ERG: variants seen among roughly 807,000 people sequenced by gnomAD.
ERG encodes the protein ETS transcription factor ERG.
ERG carries 9 observed loss-of-function variants against 55.3 expected under a neutral mutation model. That is an observed-to-expected ratio of 0.16 (90% CI 0.10 to 0.28). ERG has a LOEUF of 0.28. Among genes scored for constraint, ERG ranks in the 10% least tolerant of loss-of-function variants. ERG has a pLI of 1.00. For missense variants in ERG, 434 were observed against 631.6 expected (o/e 0.69, Z 3.35); for synonymous variants, 223 against 237.3 (o/e 0.94, Z 0.55).
intron 6 of ERG, 30 bp downstream of exon 6, chr21:38,400,544 T>G: frequency 6.4e-7 from 1 of 1,556,852 alleles, no homozygotes; most frequent in Non-Finnish European, 8.9e-7. Flanking sequence ...TGTCTCTCAA[T>G]GAAGAGATCA....
intron 2 of ERG, among the ~76,000 whole-genome samples, chr21:38,530,853 G>A (rs917753593): frequency 2.6e-5 from 4 of 152,208 alleles, no homozygotes; most frequent in African/African-American, 9.7e-5. Context: ...TTGTAATGAT[G>A]TCTAAAGAGG....
At chr21:38,564,715 C>G (rs773144324) in intron 2 of ERG, among the ~76,000 whole-genome samples, 1 of 152,068 alleles carries the variant, frequency 6.6e-6, no homozygotes, top group Non-Finnish European at 1.5e-5. Context: ...CTCACCGAGA[C>G]AGCAGTTTCT....
At chr21:38,658,572 A>G (rs1242784934) in intron 1 of ERG, among the ~76,000 whole-genome samples, 2 of 152,218 alleles carry the variant, frequency 1.3e-5, no homozygotes, top group Admixed American at 6.5e-5. Context: ...AAAAATAAAA[A>G]CTAATATTAC....
chr21:38,456,594 T>TC (rs1478803338), intron 1 of ERG, among the ~76,000 whole-genome samples: 3 of 21,874 alleles, frequency 1.4e-4, no homozygotes, highest in Non-Finnish European at 3.0e-4. Context: ...TCTATCCCCA[T>TC]CCCCATCATT....
At chr21:38,512,930 A>G (rs2059523979) in intron 2 of ERG, among the ~76,000 whole-genome samples, 1 of 152,140 alleles carries the variant, frequency 6.6e-6, no homozygotes, top group Non-Finnish European at 1.5e-5. Context: ...CAGGAGATTG[A>G]GACCACCCTG....
chr21:38,390,749 G>A (rs1003155507), intron 9 of ERG, among the ~76,000 whole-genome samples: 14 of 152,256 alleles, frequency 9.2e-5, no homozygotes, highest in African/African-American at 1.4e-4. Flanking sequence ...CACCTAATCC[G>A]TGGTACTTTG....
chr21:38,623,326 C>G (rs1021451603), intron 1 of ERG, among the ~76,000 whole-genome samples: 1 of 28,842 alleles, frequency 3.5e-5, no homozygotes, highest in South Asian at 1.1e-3. Flanking sequence ...ACGCACCACA[C>G]ACACACACAC....
intron 2 of ERG, among the ~76,000 whole-genome samples, chr21:38,521,303 A>G (rs1444702686): frequency 6.6e-6 from 1 of 152,176 alleles, no homozygotes; most frequent in African/African-American, 2.4e-5. Flanking sequence ...CTTACTAGAT[A>G]TGTCGATTAT....
chr21:38,385,498 C>T (rs566167889), intron 9 of ERG, among the ~76,000 whole-genome samples: 1 of 152,248 alleles, frequency 6.6e-6, no homozygotes, highest in African/African-American at 2.4e-5. Context: ...TACATATCAC[C>T]CAACTTATAA....
chr21:38,398,481 A>C (rs1483612233), intron 6 of ERG, among the ~76,000 whole-genome samples: 1 of 152,214 alleles, frequency 6.6e-6, no homozygotes, highest in Admixed American at 6.5e-5. Context: ...CTGAGTCGCG[A>C]AAACATACTT....
chr21:38,419,467 T>C (rs1989438650), intron 3 of ERG, among the ~76,000 whole-genome samples: 1 of 152,170 alleles, frequency 6.6e-6, no homozygotes, highest in African/African-American at 2.4e-5. Flanking sequence ...AAATAACACC[T>C]ACCTTTTGCA....
At chr21:38,494,981 T>C (rs2059367870) in intron 1 of ERG, among the ~76,000 whole-genome samples, 1 of 152,246 alleles carries the variant, frequency 6.6e-6, no homozygotes, top group South Asian at 2.1e-4. Flanking sequence ...TGCTCTGAAA[T>C]GACTTATGCA....
At chr21:38,501,407 G>A (rs1051925967), upstream of ERG, among the ~76,000 whole-genome samples, 4 of 152,000 alleles carry the variant, frequency 2.6e-5, no homozygotes, top group Non-Finnish European at 5.9e-5. Context: ...TGCAGAAACC[G>A]TTTCCCAAAT....
chr21:38,544,355 C>G (rs538206085), intron 2 of ERG, among the ~76,000 whole-genome samples: 52 of 152,270 alleles, frequency 3.4e-4, no homozygotes, highest in African/African-American at 1.2e-3. Flanking sequence ...CATCCCGGCT[C>G]CCTGTGAAGA....
chr21:38,501,628 G>A (rs552630004), upstream of ERG, among the ~76,000 whole-genome samples: 3 of 152,130 alleles, frequency 2.0e-5, no homozygotes, highest in East Asian at 1.9e-4. Context: ...TCTGGCACAC[G>A]GCCCCTACCT....
intron 3 of ERG, among the ~76,000 whole-genome samples, chr21:38,416,035 T>A (rs1271571316): frequency 6.6e-6 from 1 of 152,212 alleles, no homozygotes; most frequent in African/African-American, 2.4e-5. Context: ...TATGTTCTAT[T>A]ACTTGTTATT....
intron 2 of ERG, among the ~76,000 whole-genome samples, chr21:38,553,512 A>G (rs2059837795): frequency 6.6e-6 from 1 of 152,172 alleles, no homozygotes; most frequent in East Asian, 1.9e-4. Flanking sequence ...TAGATTAGAG[A>G]ACCCAGAAGT....
At chr21:38,589,112 C>G (rs764579761), upstream of ERG, among the ~76,000 whole-genome samples, 1 of 152,204 alleles carries the variant, frequency 6.6e-6, no homozygotes, top group Non-Finnish European at 1.5e-5. Flanking sequence ...ACGCACAGAT[C>G]TCCCTGGCCA....
intron 6 of ERG, among the ~76,000 whole-genome samples, chr21:38,398,558 G>A (rs1988336008): frequency 6.6e-6 from 1 of 152,172 alleles, no homozygotes; most frequent in African/African-American, 2.4e-5. Flanking sequence ...GCCCATGGAA[G>A]ACCACCATCA....
Sources: allele counts gnomAD v4.1 joint callset (sites outside exome capture counted in the v4.1 genomes callset), GRCh38; gene constraint gnomAD v4.1.1; transcripts MANE v1.5; gene names NCBI Gene and HGNC (gene_info 2026-07-23, HGNC 2026-07-21).